ZNF780B: variants seen among roughly 807,000 people sequenced by gnomAD.
ZNF780B encodes the protein zinc finger protein 779.
Under a neutral mutation model 74.1 loss-of-function variants are expected in ZNF780B, and 52 were observed. The observed-to-expected ratio is 0.70, with a 90% CI of 0.56 to 0.88. The LOEUF is 0.88. Ranked by LOEUF, ZNF780B falls within the 40% of genes least tolerant of loss-of-function variation. The pLI, the probability that ZNF780B is intolerant of heterozygous loss-of-function variation, is 0.00. For synonymous variants in ZNF780B, 315 were observed against 324.3 expected, an observed-to-expected ratio of 0.97 and a Z score of 0.31; for missense variants, 953 against 1,007.6, an observed-to-expected ratio of 0.95 and a Z score of 0.73.
chr19:40,033,656 G>A lies in ZNF780B; in HGVS notation c.*701C>T, dbSNP rs1415559285. On this transcript the variant is annotated 3_prime_UTR_variant, in exon 5 of 5. Transcript: ENST00000434248. ...GAGTAAATTTTTCATACACAGTGAA[G>A]GCTTGTCTACACTCCTTATATTCAT... 6.5e-6 allele frequency: 1 copy of A among 154,460 alleles called. No individual in the cohort carries two copies. The highest frequency in any genetic ancestry group is 1.5e-5 in the Non-Finnish European group (1 of 68,478). The allele number at this position is 154,460 out of a possible 1,614,324, so 9.6% of individuals were successfully genotyped here. A position where few individuals can be genotyped will look rare whatever the true frequency, so the allele number is the denominator to read the frequency against.
rs1490918178 is a variant in ZNF780B, at chr19:40,054,981, G to A, written c.-46+1208C>T. ...CTGACTCTGGTTGATACCAATTTCT[G>A]TGCAATCACTTTCCGATTCCTGAAA... On this transcript the variant is annotated intron_variant, in intron 1 of 4. Coordinates refer to ENST00000434248, the MANE Select transcript of ZNF780B (RefSeq NM_001005851.3). Among the ~76,000 whole-genome samples, 4 of 152,154 alleles carry A rather than the reference G, an allele frequency of 2.6e-5. No individual in the cohort carries two copies. In the East Asian group the frequency reaches 7.7e-4, roughly 29 times the overall value.
chr19:40,043,883 G>C (rs1884006042), intron 4 of ZNF780B, among the ~76,000 whole-genome samples: 2 of 152,174 alleles, frequency 1.3e-5, no homozygotes, highest in Admixed American at 6.5e-5. Flanking sequence ...GCCCTGCTTT[G>C]GCTTGCACAC....
rs142139560 is a variant in ZNF780B, at chr19:40,045,763, G to C, written c.232+1612C>G. Among the ~76,000 whole-genome samples the C allele has an allele frequency of 9.2e-3, 1,397 of 152,288 alleles. 11 individuals carry two copies. Among genetic ancestry groups the C allele is most frequent in the African/African-American group, 0.032 (1,322 of 41,552 alleles). On this transcript the variant is annotated intron_variant, in intron 4 of 4. Transcript: ENST00000434248. ...AGCACTTTGGGAAGCCGAGGTGGGT[G>C]AATCACCTGAGGTCAGGAATTTGAG...
chr19:40,049,195 C>T (rs1973087209), intron 2 of ZNF780B: 1 of 149,930 alleles, frequency 6.7e-6, no homozygotes, highest in African/African-American at 2.9e-5. Context: ...GATGGCACTA[C>T]TGCACTCCAG....
Position 40,034,957 on chromosome 19 carries a change from A to G in ZNF780B, c.1902T>C (p.Ile634=), listed in dbSNP as rs1486262443. ...LHTQLNHHKN[I]HTGEKPFKCK... ...ATTTAAATGGCTTCTCACCTGTGTGAATGTTCTTATGGTGATTAAGCTGGG... is the reference window on the plus strand; with the variant it reads ...ATTTAAATGGCTTCTCACCTGTGTGGATGTTCTTATGGTGATTAAGCTGGG... The change falls in exon 5 of 5, where the codon ATT becomes ATC. Residue 634 remains isoleucine, a synonymous_variant. Coordinates refer to ENST00000434248, the MANE Select transcript of ZNF780B (RefSeq NM_001005851.3). 6 of 1,614,060 alleles carry G rather than the reference A, an allele frequency of 3.7e-6. No homozygotes were observed. The highest frequency in any genetic ancestry group is 5.1e-6 in the Non-Finnish European group (6 of 1,179,982).
At chr19:40,039,487 A>G (rs1942583063) in intron 4 of ZNF780B, among the ~76,000 whole-genome samples, 1 of 151,754 alleles carries the variant, frequency 6.6e-6, no homozygotes, top group East Asian at 1.9e-4. Flanking sequence ...CATTGAATCT[A>G]TAAATTACCT....
intron 4 of ZNF780B, among the ~76,000 whole-genome samples, chr19:40,040,711 G>T (rs1972595071): frequency 6.6e-6 from 1 of 152,176 alleles, no homozygotes; most frequent in Non-Finnish European, 1.5e-5. Context: ...GGTGTTTGTA[G>T]TATTCTCTGA....
At chr19:40,043,557 C>T (rs1972774698) in intron 4 of ZNF780B, among the ~76,000 whole-genome samples, 1 of 152,246 alleles carries the variant, frequency 6.6e-6, no homozygotes, top group African/African-American at 2.4e-5. Flanking sequence ...GTGGGCTCCA[C>T]CCAGTTTGAG....
At chr19:40,049,731 C>T (rs961950043) in intron 2 of ZNF780B, among the ~76,000 whole-genome samples, 2 of 152,210 alleles carry the variant, frequency 1.3e-5, no homozygotes, top group Admixed American at 6.5e-5. Flanking sequence ...GGACCAACTC[C>T]TCCACTGTTC....
Position 40,034,310 on chromosome 19 carries a change from G to A in ZNF780B, c.*47C>T. ...GAAATCTATAATGTCCATGAAATTGGTAATGATATTGAAAGGCCTTCCCAC... is the reference window on the plus strand; with the variant it reads ...GAAATCTATAATGTCCATGAAATTGATAATGATATTGAAAGGCCTTCCCAC... On this transcript the variant is annotated 3_prime_UTR_variant, in exon 5 of 5. Transcript: ENST00000434248. 1 of 1,430,886 alleles carries A rather than the reference G, an allele frequency of 7.0e-7. No individual in the cohort carries two copies. The highest frequency in any genetic ancestry group is 1.3e-5 in the South Asian group (1 of 77,412). 88.6% of individuals were successfully genotyped at this position (1,430,886 alleles called of 1,614,324 possible).
chr19:40,038,556 C>A (rs1390451615), intron 4 of ZNF780B, among the ~76,000 whole-genome samples: 1 of 147,052 alleles, frequency 6.8e-6, no homozygotes, highest in Non-Finnish European at 1.5e-5. Context: ...TCCTATTTCT[C>A]CACATCCTCT....
chr19:40,048,000 C>G (rs111330850), intron 3 of ZNF780B, among the ~76,000 whole-genome samples: 4 of 152,236 alleles, frequency 2.6e-5, no homozygotes, highest in Admixed American at 1.3e-4. Context: ...AATTTTCACC[C>G]AACAGAAAAG....
intron 4 of ZNF780B, among the ~76,000 whole-genome samples, chr19:40,046,020 C>T (rs934463529): frequency 6.6e-6 from 1 of 151,820 alleles, no homozygotes; most frequent in African/African-American, 2.4e-5. Flanking sequence ...CATATGTTCT[C>T]ATTCATATCT....
intron 3 of ZNF780B, 38 bp from the exon 4 acceptor site, chr19:40,047,508 T>A: frequency 6.7e-7 from 1 of 1,487,348 alleles, no homozygotes; most frequent in Non-Finnish European, 9.0e-7. Context: ...ATTTTTTTAA[T>A]ATAAAAATTT....
chr19:40,053,329 C>G (rs1434585162), intron 1 of ZNF780B, among the ~76,000 whole-genome samples: 2 of 152,184 alleles, frequency 1.3e-5, no homozygotes, highest in African/African-American at 4.8e-5. Context: ...CATTACTAAT[C>G]ATCAGGGAAA....
At position 40,048,731 on chromosome 19, in the gene ZNF780B, A is replaced by G. The variant is rs1190843522; in HGVS notation, c.75T>C (p.Pro25=). The G allele has an allele frequency of 1.2e-6, 2 of 1,614,112 alleles. No individual in the cohort carries two copies. The highest frequency in any genetic ancestry group is 1.7e-6 in the Non-Finnish European group (2 of 1,180,042). ...CATCCCTGTACAAGGTCCTCTGATC[A>G]GGCTGCAGGCACTCCCACTCCTCCT... The part of the protein sequence containing the change: ...FSQEEWECLQ[P]DQRTLYRDVM... The change falls in exon 3 of 5, where the codon CCT becomes CCC. Residue 25 remains proline (P), a synonymous_variant. Transcript: ENST00000434248.
At chr19:40,038,442 G>C (rs1360458795) in intron 4 of ZNF780B, among the ~76,000 whole-genome samples, 3 of 151,700 alleles carry the variant, frequency 2.0e-5, no homozygotes, top group African/African-American at 7.3e-5. Context: ...TAATGGGATG[G>C]CTGGGTCAAA....
chr19:40,043,912 T>C (rs951702518), intron 4 of ZNF780B, among the ~76,000 whole-genome samples: 2 of 152,202 alleles, frequency 1.3e-5, no homozygotes, highest in Non-Finnish European at 2.9e-5. Flanking sequence ...GCACCCACTG[T>C]CCTGCATGCA....
chr19:40,051,441 C>T (rs1354807072), intron 1 of ZNF780B, among the ~76,000 whole-genome samples: 2 of 151,990 alleles, frequency 1.3e-5, no homozygotes, highest in African/African-American at 4.8e-5. Flanking sequence ...CCATTATTTC[C>T]CAATTCTTGA....
Sources: gnomAD v4.1 joint callset for allele counts (sites outside exome capture counted in the v4.1 genomes callset) on GRCh38, gnomAD v4.1.1 for gene constraint, MANE v1.5 for transcripts, NCBI Gene and HGNC (gene_info 2026-07-23, HGNC 2026-07-21) for gene names.